The following PDE8B variants were observed in gnomAD, a reference collection of about 807,000 sequenced individuals.
PDE8B encodes phosphodiesterase 8B, also known as high affinity cAMP-specific and IBMX-insensitive 3',5'-cyclic phosphodiesterase 8B.
A neutral mutation model predicts 101.3 loss-of-function variants in PDE8B; 26 were observed. That is an observed-to-expected ratio of 0.26 (90% CI 0.19 to 0.36). PDE8B has a LOEUF of 0.36. Among genes scored for constraint, PDE8B ranks in the 10% least tolerant of loss-of-function variants. The pLI is 1.00. For missense variants in PDE8B, 810 were observed against 1,163.1 expected, an observed-to-expected ratio of 0.70 and a Z score of 4.42; for synonymous variants, 424 against 429.3, an observed-to-expected ratio of 0.99 and a Z score of 0.15.
intron 1 of PDE8B, among the ~76,000 whole-genome samples, chr5:77,292,753 ACT>A (rs1767650881): frequency 6.6e-6 from 1 of 151,878 alleles, no homozygotes; most frequent in African/African-American, 2.4e-5. Context: ...GATTCAAAAA[ACT>A]CTAATAAGGA....
intron 10 of PDE8B, among the ~76,000 whole-genome samples, chr5:77,382,906 A>G (rs1787792745): frequency 6.6e-6 from 1 of 152,182 alleles, no homozygotes; most frequent in Admixed American, 6.5e-5. Flanking sequence ...ATACGTATGC[A>G]TGTGTCTTTA....
chr5:77,157,480 C>T, the PDE8B span, among the ~76,000 whole-genome samples: 4 of 152,062 alleles, frequency 2.6e-5, no homozygotes, highest in African/African-American at 9.7e-5. Context: ...TATAGATTAG[C>T]AAAGAAAACA....
intron 1 of PDE8B, among the ~76,000 whole-genome samples, chr5:77,221,341 C>T (rs375227022): frequency 6.6e-6 from 1 of 152,098 alleles, no homozygotes; most frequent in Non-Finnish European, 1.5e-5. Flanking sequence ...TGTAGATTTT[C>T]CCCCAATCTA....
intron 19 of PDE8B, 117 bp from the exon 20 acceptor site, chr5:77,421,704 G>C (rs534942577): frequency 1.1e-6 from 1 of 905,182 alleles, no homozygotes; most frequent in East Asian, 2.6e-5. Context: ...AGCTGCCTTC[G>C]CCGAGTCCCA....
In PDE8B at chr5:77,312,034, T is replaced by A; in HGVS notation, c.380T>A (p.Leu127Gln). ...GAGGTGCGCATCGGGCCCATGAGACTGACGCAGGACCCTATTCAGGTACGC... is the reference window on the plus strand; with the variant it reads ...GAGGTGCGCATCGGGCCCATGAGACAGACGCAGGACCCTATTCAGGTACGC... Reference protein sequence around the residue: ...SAEVRIGPMRLTQDPIQVLLI... With the variant: ...SAEVRIGPMRQTQDPIQVLLI... Residue 127 changes from leucine to glutamine, a missense_variant, in exon 2 of 22, where the codon CTG becomes CAG. By Grantham distance (113) the Leu-to-Gln change is moderately radical. Around this residue, in one of 4 missense-constraint regions of PDE8B, gnomAD observed 251 missense variants for 378.8 expected, o/e 0.66. Coordinates refer to ENST00000264917, the MANE Select transcript of PDE8B (RefSeq NM_003719.5). 6.2e-7 allele frequency: 1 copy of A among 1,612,726 alleles called. No individual in the cohort carries two copies. Among genetic ancestry groups the A allele is most frequent in the Non-Finnish European group, 8.5e-7 (1 of 1,178,788 alleles).
intron 1 of PDE8B, among the ~76,000 whole-genome samples, chr5:77,281,152 G>C (rs531963307): frequency 3.0e-4 from 46 of 152,270 alleles, no homozygotes; most frequent in African/African-American, 1.1e-3. Flanking sequence ...TTGTGACTTG[G>C]CCTCTACCTC....
At chr5:77,378,390 C>T (rs1786725770) in intron 10 of PDE8B, among the ~76,000 whole-genome samples, 1 of 136,388 alleles carries the variant, frequency 7.3e-6, no homozygotes, top group Non-Finnish European at 1.5e-5. Context: ...ACCCAGGAGG[C>T]AGAGGTTGCA....
chr5:77,235,712 T>G (rs1449726459), intron 1 of PDE8B, among the ~76,000 whole-genome samples: 1 of 152,196 alleles, frequency 6.6e-6, no homozygotes, highest in African/African-American at 2.4e-5. Context: ...TCCTTCTCTT[T>G]TTTTCACTTA....
chr5:77,123,240 G>T, the PDE8B span, among the ~76,000 whole-genome samples: 4 of 151,990 alleles, frequency 2.6e-5, no homozygotes, highest in African/African-American at 4.8e-5. Flanking sequence ...CATAGAGAAG[G>T]AGCTAAGCAT....
chr5:77,237,809 A>T (rs1754992882), intron 1 of PDE8B, among the ~76,000 whole-genome samples: 1 of 152,088 alleles, frequency 6.6e-6, no homozygotes, highest in Non-Finnish European at 1.5e-5. Context: ...TCTTTTCTGC[A>T]TTTGAGAATG....
At chr5:77,325,815 C>A in intron 3 of PDE8B, 86 bp downstream of exon 3, 2 of 957,696 alleles carry the variant, frequency 2.1e-6, no homozygotes, top group Non-Finnish European at 3.3e-6. Flanking sequence ...TAGTTTATTT[C>A]AAATATTTTT....
At chr5:77,357,896 G>C (rs1055078770) in intron 10 of PDE8B, among the ~76,000 whole-genome samples, 2 of 152,148 alleles carry the variant, frequency 1.3e-5, no homozygotes, top group Non-Finnish European at 2.9e-5. Context: ...ACACCTTCAT[G>C]GACCATCCTC....
intron 10 of PDE8B, among the ~76,000 whole-genome samples, chr5:77,358,851 C>T (rs928864303): frequency 1.3e-5 from 2 of 152,196 alleles, no homozygotes; most frequent in Non-Finnish European, 2.9e-5. Context: ...ATGATACAGA[C>T]TTTGTACACG....
the PDE8B span, among the ~76,000 whole-genome samples, chr5:77,173,558 G>A: frequency 3.9e-5 from 6 of 151,994 alleles, no homozygotes; most frequent in Admixed American, 3.9e-4. Context: ...GAAACAGAAG[G>A]GAAGATAAAG....
At chr5:77,239,007 T>A (rs1000367038) in intron 1 of PDE8B, among the ~76,000 whole-genome samples, 1 of 152,186 alleles carries the variant, frequency 6.6e-6, no homozygotes, top group East Asian at 1.9e-4. Context: ...ACAGATACAC[T>A]CAGATATGTT....
intron 17 of PDE8B, among the ~76,000 whole-genome samples, chr5:77,417,841 T>TTGC (rs1795879045): frequency 6.6e-6 from 1 of 152,164 alleles, no homozygotes. Context: ...TCTGAGCCAT[T>TTGC]TGCTACCAGC....
chr5:77,406,713 A>G (rs907041604), intron 12 of PDE8B, among the ~76,000 whole-genome samples: 1 of 152,172 alleles, frequency 6.6e-6, no homozygotes. Context: ...TGGTAGGAAG[A>G]TCTGATGAGA....
the PDE8B span, among the ~76,000 whole-genome samples, chr5:77,160,627 G>A: frequency 1.3e-5 from 2 of 152,076 alleles, no homozygotes; most frequent in South Asian, 4.2e-4. Flanking sequence ...TTATTTAACG[G>A]TATGTATATC....
chr5:77,400,183 G>C (rs1485078828), intron 10 of PDE8B, 65 bp from the exon 11 acceptor site: 1 of 1,095,522 alleles, frequency 9.1e-7, no homozygotes, highest in African/African-American at 1.5e-5. Flanking sequence ...TGTTTGATGA[G>C]AAATATAGCA....
Sources: allele counts gnomAD v4.1 joint callset (sites outside exome capture counted in the v4.1 genomes callset), GRCh38; gene constraint gnomAD v4.1.1; regional missense constraint gnomAD v4.1.1; transcripts MANE v1.5; gene names NCBI Gene and HGNC (gene_info 2026-07-23, HGNC 2026-07-21).